Variants in CDS1 observed in about 807,000 individuals in gnomAD.
CDS1 encodes the protein phosphatidate cytidylyltransferase 1.
A neutral mutation model predicts 62.1 loss-of-function variants in CDS1; 41 were observed. The observed-to-expected ratio is 0.66, with a 90% CI of 0.51 to 0.86. The LOEUF is 0.86. Among genes scored for constraint, CDS1 ranks in the 40% least tolerant of loss-of-function variants. CDS1 has a pLI of 0.00. For missense variants in CDS1, 470 were observed against 550.1 expected, an observed-to-expected ratio of 0.85 and a Z score of 1.46; for synonymous variants, 185 against 192.6, an observed-to-expected ratio of 0.96 and a Z score of 0.32.
In CDS1 at chr4:84,593,397, C is replaced by T. The variant is rs1307473246; in HGVS notation, c.117+9879C>T. Among the ~76,000 whole-genome samples, 4 of 152,142 alleles carry T rather than the reference C, an allele frequency of 2.6e-5. No homozygotes were observed. In the East Asian group the frequency reaches 7.7e-4, roughly 29 times the overall value. On this transcript the variant is annotated intron_variant, in intron 1 of 12. Transcript: ENST00000295887. The stretch of plus-strand genomic sequence containing the variant: ...CTCTGTCGCCTTTAATAATGAATTT[C>T]AAATGTATGATTATTTGAGCTCAAA...
chr4:84,592,382 G>A lies in CDS1; in HGVS notation c.117+8864G>A, dbSNP rs539800962. Among the ~76,000 whole-genome samples, 243 of 151,804 alleles carry A rather than the reference G, an allele frequency of 1.6e-3. 6 individuals carry two copies. The South Asian group carries it at 0.038, about 24-fold the overall frequency. On this transcript the variant is annotated intron_variant, in intron 1 of 12. Transcript: ENST00000295887. ...GAGATGGGGTTTCACCATGTTGGCC[G>A]GGCTGGTCTTGAACTCCTGACCTCA...
chr4:84,610,257 C>T (rs950789553), intron 3 of CDS1, among the ~76,000 whole-genome samples: 9 of 152,066 alleles, frequency 5.9e-5, no homozygotes, highest in South Asian at 2.1e-4. Flanking sequence ...GTGCCGAAGC[C>T]GAGTCCTGAA....
intron 2 of CDS1, among the ~76,000 whole-genome samples, chr4:84,605,885 G>A (rs781173924): frequency 5.3e-5 from 8 of 152,094 alleles, no homozygotes; most frequent in East Asian, 1.9e-4. Context: ...ATGTGGAAAC[G>A]TAGGCAGATA....
intron 1 of CDS1, among the ~76,000 whole-genome samples, chr4:84,602,893 C>A (rs565027076): frequency 6.6e-6 from 1 of 152,130 alleles, no homozygotes; most frequent in East Asian, 1.9e-4. Flanking sequence ...ATTTCTATTT[C>A]TCATTTGTAA....
At chr4:84,598,904 G>T (rs1722836265) in intron 1 of CDS1, among the ~76,000 whole-genome samples, 1 of 152,148 alleles carries the variant, frequency 6.6e-6, no homozygotes, top group African/African-American at 2.4e-5. Flanking sequence ...TGAGCCCCTT[G>T]TCCTTGTTCT....
At chr4:84,583,893 A>C (rs992352871) in intron 1 of CDS1, among the ~76,000 whole-genome samples, 13 of 152,082 alleles carry the variant, frequency 8.5e-5, no homozygotes, top group Non-Finnish European at 1.9e-4. Context: ...CTCTCTTTTC[A>C]GTAGAGGGAA....
chr4:84,602,133 G>C (rs1349725510), intron 1 of CDS1, among the ~76,000 whole-genome samples: 1 of 152,042 alleles, frequency 6.6e-6, no homozygotes, highest in Non-Finnish European at 1.5e-5. Context: ...TAAAACAAGG[G>C]CCCCTGCTAC....
At chr4:84,641,921 T>C (rs993549622) in intron 10 of CDS1, among the ~76,000 whole-genome samples, 2 of 152,218 alleles carry the variant, frequency 1.3e-5, no homozygotes, top group Admixed American at 1.3e-4. Flanking sequence ...CAGTACATGG[T>C]TTCCAAGAAC....
At chr4:84,614,817 G>C (rs1435790629) in intron 3 of CDS1, among the ~76,000 whole-genome samples, 1 of 152,198 alleles carries the variant, frequency 6.6e-6, no homozygotes, top group Non-Finnish European at 1.5e-5. Context: ...GAGAAGGTTG[G>C]GAGTTTTATT....
intron 12 of CDS1, among the ~76,000 whole-genome samples, chr4:84,646,861 G>C (rs532533273): frequency 9.5e-4 from 144 of 152,240 alleles, no homozygotes; most frequent in Admixed American, 3.5e-3. Flanking sequence ...GTTACTAAGA[G>C]AGCTTTGTTA....
intron 3 of CDS1, among the ~76,000 whole-genome samples, chr4:84,615,769 C>G (rs2148645901): frequency 6.6e-6 from 1 of 152,230 alleles, no homozygotes; most frequent in South Asian, 2.1e-4. Flanking sequence ...TTTTAAGGTT[C>G]TTGAAACATT....
intron 1 of CDS1, among the ~76,000 whole-genome samples, chr4:84,601,015 C>CA (rs998504070): frequency 4.6e-5 from 7 of 150,590 alleles, no homozygotes; most frequent in East Asian, 2.0e-4. Context: ...TGAAAAATGC[C>CA]AAAAAAAATT....
Position 84,650,929 on chromosome 4 carries a change from A to T in CDS1, c.*2243A>T, listed in dbSNP as rs932318406. ...CACTGTGAAGAGGGCTTAAATTCCA[A>T]TGTAGCAATGTGGTGGCAGACAAAT... is the stretch of plus-strand genomic sequence containing the variant. On this transcript the variant is annotated 3_prime_UTR_variant, in exon 13 of 13. Coordinates refer to ENST00000295887, the MANE Select transcript of CDS1 (RefSeq NM_001263.4). 6.6e-6 allele frequency: 1 copy of T among 152,180 alleles called. No individual in the cohort carries two copies. The highest frequency in any genetic ancestry group is 1.5e-5 in the Non-Finnish European group (1 of 68,028). The allele number at this position is 152,180 out of a possible 1,614,324, so 9.4% of individuals were successfully genotyped here.
At chr4:84,627,102 G>A (rs1365008406) in intron 5 of CDS1, among the ~76,000 whole-genome samples, 1 of 152,146 alleles carries the variant, frequency 6.6e-6, no homozygotes, top group Non-Finnish European at 1.5e-5. Context: ...TATTCCAAGT[G>A]CCCTGTGAAA....
At chr4:84,613,566 C>T (rs551780775) in intron 3 of CDS1, among the ~76,000 whole-genome samples, 23 of 152,172 alleles carry the variant, frequency 1.5e-4, no homozygotes, top group Middle Eastern at 3.4e-3. Flanking sequence ...GCCGAGATCG[C>T]GCCACTGCAC....
rs1722306028 is a variant in CDS1, at chr4:84,583,282, G to A, written c.-120G>A. The A allele has an allele frequency of 3.0e-6, 2 of 670,166 alleles. No homozygotes were observed. The highest frequency in any genetic ancestry group is 5.0e-6 in the Non-Finnish European group (2 of 398,022). The allele number at this position is 670,166 out of a possible 1,614,324, so 41.5% of individuals were successfully genotyped here. A position where few individuals can be genotyped will look rare whatever the true frequency, so the allele number is the denominator to read the frequency against. On this transcript the variant is annotated 5_prime_UTR_variant, in exon 1 of 13. Coordinates refer to ENST00000295887, the MANE Select transcript of CDS1 (RefSeq NM_001263.4). ...TGGTGGGGCCGCGTTAGTGGCTGCG[G>A]CTCCGCGGGACTCCAGGGCGCGGCT...
chr4:84,621,860 C>T (rs1348994596), intron 5 of CDS1, among the ~76,000 whole-genome samples: 1 of 152,172 alleles, frequency 6.6e-6, no homozygotes, highest in East Asian at 1.9e-4. Flanking sequence ...TTTACTGGTA[C>T]TCATATGATG....
At chr4:84,604,680 A>T (rs1397471589) in intron 2 of CDS1, among the ~76,000 whole-genome samples, 2 of 152,176 alleles carry the variant, frequency 1.3e-5, no homozygotes, top group Non-Finnish European at 2.9e-5. Flanking sequence ...ACCACGTCAC[A>T]TTGCTTTTTC....
intron 5 of CDS1, among the ~76,000 whole-genome samples, chr4:84,622,229 G>A (rs184416482): frequency 1.6e-4 from 25 of 152,286 alleles, no homozygotes; most frequent in African/African-American, 6.0e-4. Flanking sequence ...CAGTCAAAGA[G>A]TCTATGGTAT....
Sources: gnomAD v4.1 joint callset for allele counts (sites outside exome capture counted in the v4.1 genomes callset) on GRCh38, gnomAD v4.1.1 for gene constraint, MANE v1.5 for transcripts, NCBI Gene and HGNC (gene_info 2026-07-23, HGNC 2026-07-21) for gene names.